The following PPFIBP2 variants were observed in gnomAD, a reference collection of about 807,000 sequenced individuals.
PPFIBP2 encodes PPFIB scaffold protein 2.
A neutral mutation model predicts 118.3 loss-of-function variants in PPFIBP2; 118 were observed. That is an observed-to-expected ratio of 1.00 (90% confidence interval 0.86 to 1.16). PPFIBP2 has a LOEUF of 1.16. Among genes scored for constraint, PPFIBP2 ranks in the 50% most tolerant of loss-of-function variants. The probability of loss-of-function intolerance (pLI) is 0.00; values close to 1 mark genes in which losing one functional copy is unlikely to be tolerated. For missense variants in PPFIBP2, 1,195 were observed against 1,073.1 expected, an observed-to-expected ratio of 1.11 and a Z score of -1.59; for synonymous variants, 414 against 397.4, an observed-to-expected ratio of 1.04 and a Z score of -0.50.
chr11:7,595,276 G>A (rs887073876), intron 4 of PPFIBP2, among the ~76,000 whole-genome samples: 3 of 152,204 alleles, frequency 2.0e-5, no homozygotes, highest in African/African-American at 4.8e-5. Context: ...TTGTAGCACA[G>A]ATGTTTGAGG....
At chr11:7,538,774 T>G (rs1851474576) in intron 1 of PPFIBP2, among the ~76,000 whole-genome samples, 1 of 152,206 alleles carries the variant, frequency 6.6e-6, no homozygotes, top group Non-Finnish European at 1.5e-5. Flanking sequence ...AAAAAGACGC[T>G]AAGCAAGAAA....
the PPFIBP2 span, chr11:7,665,865 G>T: frequency 1.3e-6 from 2 of 1,536,084 alleles, no homozygotes; most frequent in African/African-American, 1.4e-5. Context: ...GGAGTTGTCC[G>T]GCAGGGTGTG....
At chr11:7,635,464 C>A in intron 13 of PPFIBP2, 88 bp from the exon 14 acceptor site, 1 of 1,306,476 alleles carries the variant, frequency 7.7e-7, no homozygotes, top group Non-Finnish European at 1.1e-6. Context: ...CAGATTTAAG[C>A]AAACAGGTAG....
chr11:7,593,316 G>C, intron 4 of PPFIBP2, 92 bp downstream of exon 4: 4 of 1,495,690 alleles, frequency 2.7e-6, no homozygotes, highest in Non-Finnish European at 3.6e-6. Flanking sequence ...GATTTTCTCT[G>C]TTGGAATTTT....
chr11:7,556,577 A>T (rs1853657789), intron 2 of PPFIBP2, among the ~76,000 whole-genome samples: 1 of 152,182 alleles, frequency 6.6e-6, no homozygotes, highest in South Asian at 2.1e-4. Context: ...TTCAGTTGAT[A>T]GCATTTTGTT....
intron 2 of PPFIBP2, among the ~76,000 whole-genome samples, chr11:7,560,336 T>C (rs866610443): frequency 2.0e-5 from 3 of 152,214 alleles, no homozygotes; most frequent in Non-Finnish European, 4.4e-5. Flanking sequence ...AGTCAACAAA[T>C]TTAAAGTTTA....
At position 7,620,612 on chromosome 11, in the gene PPFIBP2, C is replaced by T. The variant is rs777673255; in HGVS notation, c.619-323C>T. Among the ~76,000 whole-genome samples the T allele has an allele frequency of 5.1e-4, 78 of 152,154 alleles. 1 individual carries two copies. Among genetic ancestry groups the T allele is most frequent in the Admixed American group, 2.6e-4 (4 of 15,274 alleles). On this transcript the variant is annotated intron_variant, in intron 6 of 23. Transcript: ENST00000299492. Reference sequence around the variant, plus strand: ...TTCAGCATCTCTATTCTTCCCACTCCGAAGCCTCGCCTGCCTGCCTATACT... The same window carrying T: ...TTCAGCATCTCTATTCTTCCCACTCTGAAGCCTCGCCTGCCTGCCTATACT...
chr11:7,533,664 AG>A (rs1442290587), intron 1 of PPFIBP2, among the ~76,000 whole-genome samples: 1 of 152,218 alleles, frequency 6.6e-6, no homozygotes, highest in Non-Finnish European at 1.5e-5. Context: ...GTTTTCTGGC[AG>A]TGGTCATTTG....
At chr11:7,629,406 C>A (rs1376286842) in intron 9 of PPFIBP2, 53 bp from the exon 10 acceptor site, 2 of 1,550,866 alleles carry the variant, frequency 1.3e-6, no homozygotes, top group South Asian at 1.1e-5. Context: ...AAAATGAAAT[C>A]ATCTGAGATG....
intron 6 of PPFIBP2, among the ~76,000 whole-genome samples, chr11:7,615,337 A>G (rs1848510993): frequency 1.7e-5 from 1 of 58,282 alleles, no homozygotes; most frequent in Admixed American, 1.6e-4. Context: ...CTCCGTCTCA[A>G]AAAAAAAAAA....
At chr11:7,527,597 TCAAA>T (rs1005991680) in intron 1 of PPFIBP2, among the ~76,000 whole-genome samples, 22 of 152,144 alleles carry the variant, frequency 1.4e-4, no homozygotes, top group African/African-American at 5.3e-4. Context: ...ACCCCCTTAC[TCAAA>T]CAGATAGTAG....
At chr11:7,664,441 C>T in the PPFIBP2 span, among the ~76,000 whole-genome samples, 4 of 152,150 alleles carry the variant, frequency 2.6e-5, no homozygotes, top group Admixed American at 2.6e-4. Flanking sequence ...GATGGAGGCT[C>T]TCCTGTGGGT....
chr11:7,599,629 CTTTTTTT>C (rs372421700), intron 5 of PPFIBP2, among the ~76,000 whole-genome samples: 1 of 134,014 alleles, frequency 7.5e-6, no homozygotes, highest in Non-Finnish European at 1.6e-5. Flanking sequence ...AACTCAATTA[CTTTTTTT>C]TTTTTTTTTT....
intron 1 of PPFIBP2, among the ~76,000 whole-genome samples, chr11:7,531,896 C>T (rs1227273007): frequency 1.3e-5 from 2 of 151,832 alleles, no homozygotes; most frequent in African/African-American, 4.8e-5. Context: ...AGCGCAGTGG[C>T]ACGATCTTGG....
intron 7 of PPFIBP2, among the ~76,000 whole-genome samples, chr11:7,624,824 G>A (rs1302265332): frequency 6.6e-6 from 1 of 152,182 alleles, no homozygotes; most frequent in Non-Finnish European, 1.5e-5. Context: ...CATGAAGTAG[G>A]TGTAGTTTTT....
chr11:7,637,854 C>A (rs1164958242), intron 14 of PPFIBP2, among the ~76,000 whole-genome samples: 2 of 152,152 alleles, frequency 1.3e-5, no homozygotes, highest in Non-Finnish European at 2.9e-5. Flanking sequence ...CCTTTTAAAC[C>A]CCATCCTTGG....
rs149051807 is a variant in PPFIBP2 at position 7,626,876 on chromosome 11, A to G, written c.826+985A>G. Among the ~76,000 whole-genome samples, 144 of 152,344 alleles carry G rather than the reference A, an allele frequency of 9.5e-4. 1 individual carries two copies. The highest frequency in any genetic ancestry group is 3.2e-3 in the African/African-American group (135 of 41,582). Reference sequence around the variant, plus strand: ...CTTGGATCCCCAGCTGGGGTGTGGAAGCCATGCAACAATGGCTTAGGCTGG... The same window carrying G: ...CTTGGATCCCCAGCTGGGGTGTGGAGGCCATGCAACAATGGCTTAGGCTGG... On this transcript the variant is annotated intron_variant, in intron 8 of 23. Transcript: ENST00000299492.
At chr11:7,546,765 T>G (rs1472638718) in intron 1 of PPFIBP2, among the ~76,000 whole-genome samples, 2 of 152,244 alleles carry the variant, frequency 1.3e-5, no homozygotes. Context: ...TGCACCACAC[T>G]CTCTGCCTGG....
chr11:7,604,217 A>T (rs1450414344), intron 5 of PPFIBP2, among the ~76,000 whole-genome samples: 1 of 152,220 alleles, frequency 6.6e-6, no homozygotes, highest in Non-Finnish European at 1.5e-5. Flanking sequence ...AAGAAAGGTC[A>T]GGAAAACCGA....
Sources: gnomAD v4.1 joint callset for allele counts (sites outside exome capture counted in the v4.1 genomes callset) on GRCh38, gnomAD v4.1.1 for gene constraint, MANE v1.5 for transcripts, NCBI Gene and HGNC (gene_info 2026-07-23, HGNC 2026-07-21) for gene names.